The following ZNF385A variants were observed in gnomAD, a reference collection of about 807,000 sequenced individuals.
ZNF385A encodes hematopoietic zinc finger protein.
Under a neutral mutation model 32.1 loss-of-function variants are expected in ZNF385A, and 14 were observed. That is an observed-to-expected ratio of 0.44 (90% CI 0.29 to 0.68). The LOEUF (loss-of-function observed/expected upper bound fraction) is 0.68. ZNF385A is among the 30% of genes least tolerant of loss of function. ZNF385A has a pLI of 0.14. For missense variants in ZNF385A, 406 were observed against 478.4 expected, an observed-to-expected ratio of 0.85 and a Z score of 1.41; for synonymous variants, 197 against 202.7, an observed-to-expected ratio of 0.97 and a Z score of 0.24.
intron 1 of ZNF385A, among the ~76,000 whole-genome samples, chr12:54,377,855 G>A (rs563295614): frequency 6.6e-6 from 1 of 152,298 alleles, no homozygotes; most frequent in East Asian, 1.9e-4. Context: ...AAACAGTAGG[G>A]AGAGAGGAGT....
intron 1 of ZNF385A, among the ~76,000 whole-genome samples, chr12:54,383,382 T>C (rs1002106955): frequency 6.6e-6 from 1 of 151,866 alleles, no homozygotes; most frequent in African/African-American, 2.4e-5. Context: ...CCATGGCCTG[T>C]CAATATTTCC....
upstream of ZNF385A, chr12:54,385,724 C>A (rs1955448405): frequency 1.0e-6 from 1 of 957,290 alleles, no homozygotes; most frequent in African/African-American, 1.8e-5. Flanking sequence ...CCCTGGCCCC[C>A]CAGGGGCCTG....
chr12:54,379,167 G>A, intron 1 of ZNF385A: 1 of 980,924 alleles, frequency 1.0e-6, no homozygotes, highest in South Asian at 4.7e-5. Context: ...CGCGGCGCTC[G>A]TTGCCCGGGC....
intron 1 of ZNF385A, among the ~76,000 whole-genome samples, chr12:54,382,540 G>A (rs1163912408): frequency 6.6e-6 from 1 of 152,164 alleles, no homozygotes; most frequent in African/African-American, 2.4e-5. Context: ...ACCCTTCTGA[G>A]GCTTAGTTTT....
chr12:54,369,547 C>T lies in ZNF385A; in HGVS notation c.*709G>A. The T allele has an allele frequency of 6.5e-6, 1 of 152,862 alleles. No individual in the cohort carries two copies. 9.5% of individuals were successfully genotyped at this position (152,862 alleles called of 1,614,324 possible). On this transcript the variant is annotated 3_prime_UTR_variant, in exon 7 of 7. Coordinates refer to ENST00000394313, the MANE Select transcript of ZNF385A (RefSeq NM_015481.3). ...GACACCCCTTGCCCCCCTCGGTACC[C>T]CTTGGGCGATGGGTGCTGGTGAAAA...
intron 1 of ZNF385A, among the ~76,000 whole-genome samples, chr12:54,379,705 T>C (rs1592254016): frequency 6.6e-6 from 1 of 152,218 alleles, no homozygotes; most frequent in Middle Eastern, 3.4e-3. Flanking sequence ...CTCCAAATCA[T>C]GGAGCTGAGG....
chr12:54,377,331 C>G (rs1038747689), intron 1 of ZNF385A, among the ~76,000 whole-genome samples: 9 of 152,134 alleles, frequency 5.9e-5, no homozygotes, highest in Non-Finnish European at 1.3e-4. Context: ...AATCTCTTGG[C>G]CTACTCTTGG....
chr12:54,370,982 G>C lies in ZNF385A; in HGVS notation c.719C>G (p.Thr240Ser). Reference sequence around the variant, plus strand: ...GACATTGCAGATCTCACAGTGGAAAGTTCGGTCCTGGGCAGGAGCCTCTGG... The same window carrying C: ...GACATTGCAGATCTCACAGTGGAAACTTCGGTCCTGGGCAGGAGCCTCTGG... The part of the protein sequence containing the change: ...GEPEAPAQDR[T>S]FHCEICNVKV... The change falls in exon 5 of 7, where the codon ACT becomes AGT. Residue 240 changes from threonine to serine, a missense_variant. Coordinates refer to ENST00000394313, the MANE Select transcript of ZNF385A (RefSeq NM_015481.3). The surrounding 1 kb of genome is among the most constrained non-coding windows in gnomAD (Gnocchi z 5.5). 1 of 1,614,196 alleles carries C rather than the reference G, an allele frequency of 6.2e-7. No homozygotes were observed. Among genetic ancestry groups the C allele is most frequent in the African/African-American group, 1.3e-5 (1 of 75,058 alleles).
At position 54,370,551 on chromosome 12, in the gene ZNF385A, T is replaced by G; in HGVS notation, c.871-65A>C. 2.6e-6 allele frequency: 4 copies of G among 1,551,358 alleles called. No homozygotes were observed. Among genetic ancestry groups the G allele is most frequent in the Non-Finnish European group, 3.5e-6 (4 of 1,146,962 alleles). Reference sequence around the variant, plus strand: ...CGGTCCTGCAAACCCCACCTCTCCCTGGGCAAAGCCCGCGTCCCTCTCTCC... The same window carrying G: ...CGGTCCTGCAAACCCCACCTCTCCCGGGGCAAAGCCCGCGTCCCTCTCTCC... On this transcript the variant is annotated intron_variant, in intron 6 of 6. Transcript: ENST00000394313. The surrounding 1 kb of genome is among the most constrained non-coding windows in gnomAD (Gnocchi z 5.5).
upstream of ZNF385A, among the ~76,000 whole-genome samples, chr12:54,388,913 G>C (rs1050747624): frequency 3.3e-5 from 5 of 152,178 alleles, no homozygotes; most frequent in Non-Finnish European, 7.4e-5. Context: ...GAAAGGCTTT[G>C]AAGTCAAAGA....
At chr12:54,378,194 G>A (rs1055164220) in intron 1 of ZNF385A, among the ~76,000 whole-genome samples, 1 of 152,194 alleles carries the variant, frequency 6.6e-6, no homozygotes, top group African/African-American at 2.4e-5. Flanking sequence ...CAGGATGAAA[G>A]TGAGGACTCC....
At chr12:54,382,702 GTTAT>G (rs1352743283) in intron 1 of ZNF385A, among the ~76,000 whole-genome samples, 1 of 152,138 alleles carries the variant, frequency 6.6e-6, no homozygotes, top group Non-Finnish European at 1.5e-5. Context: ...TTTGATGTGG[GTTAT>G]TTAAGTTGAA....
At chr12:54,378,692 G>T (rs961822773) in intron 1 of ZNF385A, among the ~76,000 whole-genome samples, 1 of 152,068 alleles carries the variant, frequency 6.6e-6, no homozygotes, top group African/African-American at 2.4e-5. Context: ...AGGGAGCTAG[G>T]GGGTATCTAG....
intron 3 of ZNF385A, 129 bp from the exon 4 acceptor site, chr12:54,371,844 T>TGAGA: frequency 2.2e-6 from 3 of 1,351,970 alleles, no homozygotes; most frequent in Non-Finnish European, 3.0e-6. Context: ...ACAACATGCA[T>TGAGA]GCTCTCATGC....
upstream of ZNF385A, among the ~76,000 whole-genome samples, chr12:54,388,442 T>C (rs1955550766): frequency 1.3e-5 from 2 of 152,208 alleles, no homozygotes; most frequent in South Asian, 2.1e-4. Flanking sequence ...CCCAGCCCTT[T>C]GGCTATTTTA....
At chr12:54,391,118 G>T (rs181150313) in intron 1 of ZNF385A, 1 of 1,092,162 alleles carries the variant, frequency 9.2e-7, no homozygotes, top group Non-Finnish European at 1.3e-6. Context: ...AGGGGGAACC[G>T]GTCGCTGACG....
intron 1 of ZNF385A, chr12:54,391,192 G>A (rs1955631783): frequency 1.4e-6 from 2 of 1,479,842 alleles, no homozygotes; most frequent in African/African-American, 1.5e-5. Context: ...CCCACAGAGA[G>A]GAACCCAGGA....
Position 54,374,082 on chromosome 12 carries a change from G to A in ZNF385A, c.252C>T (p.Gly84=), listed in dbSNP as rs751462100. The change falls in exon 3 of 7, where the codon GGC becomes GGT. Residue 84 remains glycine (G), a synonymous_variant. Transcript: ENST00000394313. The part of the protein sequence containing the change: ...KGNRHARRVK[G]IEAAKTRGRE... Reference sequence around the variant, plus strand: ...TGCCTCTGGTCTTGGCAGCCTCAATGCCTTTGACTCGTCGGGCGTGGCGAT... The same window carrying A: ...TGCCTCTGGTCTTGGCAGCCTCAATACCTTTGACTCGTCGGGCGTGGCGAT... 1.7e-4 allele frequency: 269 copies of A among 1,597,982 alleles called. No homozygotes were observed. Among genetic ancestry groups the A allele is most frequent in the Non-Finnish European group, 2.3e-4 (264 of 1,169,380 alleles).
chr12:54,384,410 A>C lies in ZNF385A; in HGVS notation c.87+18T>G. On this transcript the variant is annotated intron_variant, in intron 1 of 6. Coordinates refer to ENST00000394313, the MANE Select transcript of ZNF385A (RefSeq NM_015481.3). ...CGGGTCACAAGAGGATGGAGAAGGC[A>C]GGCAGGCTGCTACTTACGGTGCTGT... 1 of 1,568,340 alleles carries C rather than the reference A, an allele frequency of 6.4e-7. No individual in the cohort carries two copies. Among genetic ancestry groups the C allele is most frequent in the Non-Finnish European group, 8.6e-7 (1 of 1,156,662 alleles).
Sources: gnomAD v4.1 joint callset for allele counts (sites outside exome capture counted in the v4.1 genomes callset) on GRCh38, gnomAD v4.1.1 for gene constraint, Gnocchi (gnomAD v3.1) non-coding constraint, MANE v1.5 for transcripts, NCBI Gene and HGNC (gene_info 2026-07-23, HGNC 2026-07-21) for gene names.